Variants in DHX36 observed in about 807,000 individuals in gnomAD.
DHX36 encodes the protein DEAH-box helicase 36.
In DHX36, 50 loss-of-function variants were observed where a neutral mutation model predicts 139.0. That is an observed-to-expected ratio of 0.36 (90% CI 0.29 to 0.46). The LOEUF is 0.46. Among genes scored for constraint, DHX36 ranks in the 20% least tolerant of loss-of-function variants. DHX36 has a pLI of 1.00. For synonymous variants in DHX36, 425 were observed against 401.9 expected (o/e 1.06, Z -0.69); for missense variants, 1,024 against 1,211.3 (o/e 0.85, Z 2.29).
rs776857217 is a variant in DHX36 at position 154,316,125 on chromosome 3, T to C, written c.282A>G (p.Gln94=). The change falls in exon 2 of 25, where the codon CAA becomes CAG. Residue 94 remains glutamine, a synonymous_variant. Coordinates refer to ENST00000496811, the MANE Select transcript of DHX36 (RefSeq NM_020865.3). The part of the protein sequence containing the change: ...VVHMDERREE[Q]IVQLLNSVQA... ...GAACAGAATTCAGTAACTGTACAAT[T>C]TGTTCTTCTCGTCGTTCATCCATGT... 119 of 1,613,388 alleles carry C rather than the reference T, an allele frequency of 7.4e-5. No homozygotes were observed. The South Asian group carries it at 9.2e-4, about 13-fold the overall frequency.
In DHX36 at chr3:154,293,952, C is replaced by T. The variant is rs200123860; in HGVS notation, c.1606-140G>A. On this transcript the variant is annotated intron_variant, in intron 13 of 24. Transcript: ENST00000496811. ...ACTGACATATACATCTAATATTTAT[C>T]GATGTATTTATGAAGTACAGATCAT... The T allele has an allele frequency of 1.3e-4, 69 of 544,810 alleles. 1 individual carries two copies. In the East Asian group the frequency reaches 1.7e-3, roughly 13 times the overall value. 33.7% of individuals were successfully genotyped at this position (544,810 alleles called of 1,614,324 possible).
At chr3:154,288,994 A>T in intron 16 of DHX36, 30 bp from the exon 17 acceptor site, 1 of 1,091,426 alleles carries the variant, frequency 9.2e-7, no homozygotes, top group Non-Finnish European at 1.3e-6. Context: ...ATTATTAAAT[A>T]CATATAATAT....
In DHX36 at chr3:154,303,390, T is replaced by C. The variant is rs1425220907; in HGVS notation, c.1156A>G (p.Ile386Val). The part of the protein sequence containing the change: ...EYFGNCPMIH[I>V]PGFTFPVVEY... ...ACAACCGGAAAGGTAAAACCAGGTA[T>C]ATGTATCATTGGACAGTTACCTATT... is the stretch of plus-strand genomic sequence containing the variant. The change falls in exon 9 of 25, where the codon ATA becomes GTA. Residue 386 changes from isoleucine to valine, a missense_variant. Physicochemically the swap from Ile to Val is conservative, Grantham distance 29. Transcript: ENST00000496811. 1.2e-6 allele frequency: 2 copies of C among 1,606,164 alleles called. No homozygotes were observed. Among genetic ancestry groups the C allele is most frequent in the Non-Finnish European group, 1.7e-6 (2 of 1,176,930 alleles).
chr3:154,306,492 A>AT (rs1712506433), intron 5 of DHX36, among the ~76,000 whole-genome samples, 197 bp from the exon 6 acceptor site: 1 of 152,170 alleles, frequency 6.6e-6, no homozygotes, highest in Non-Finnish European at 1.5e-5. Flanking sequence ...TTCCTCTTAT[A>AT]AAGTCTTTTA....
Position 154,276,078 on chromosome 3 carries a change from G to C in DHX36, c.*93C>G. ...GGCTTCTACCTTACACATGAAAATT[G>C]TTCATGTCCCAGGGTTTGGCATCCA... On this transcript the variant is annotated 3_prime_UTR_variant, in exon 25 of 25. Transcript: ENST00000496811. The C allele has an allele frequency of 2.4e-6, 3 of 1,249,990 alleles. No homozygotes were observed. Among genetic ancestry groups the C allele is most frequent in the Non-Finnish European group, 3.4e-6 (3 of 894,164 alleles). The allele number at this position is 1,249,990 out of a possible 1,614,324, so 77.4% of individuals were successfully genotyped here. A position where few individuals can be genotyped will look rare whatever the true frequency, so the allele number is the denominator to read the frequency against.
intron 23 of DHX36, among the ~76,000 whole-genome samples, chr3:154,277,235 T>C (rs192046634): frequency 3.9e-4 from 60 of 152,216 alleles, no homozygotes; most frequent in African/African-American, 1.4e-3. Context: ...GAGAAAAATA[T>C]AAATAAACAG....
Position 154,299,936 on chromosome 3 carries a change from G to T in DHX36, c.1462-11C>A, listed in dbSNP as rs773727698. 2 of 1,590,694 alleles carry T rather than the reference G, an allele frequency of 1.3e-6. No homozygotes were observed. The highest frequency in any genetic ancestry group is 1.3e-5 in the African/African-American group (1 of 74,456). On this transcript the variant is annotated splice_polypyrimidine_tract_variant and intron_variant, in intron 11 of 24. Transcript: ENST00000496811. ...CAGTATCGCACCATCCTATATGAAG[G>T]GGAAATAACCATTACAAAGGATCAC...
At chr3:154,304,324 G>T (rs1712417879) in intron 8 of DHX36, among the ~76,000 whole-genome samples, 1 of 152,100 alleles carries the variant, frequency 6.6e-6, no homozygotes, top group Non-Finnish European at 1.5e-5. Flanking sequence ...CTACTTAACT[G>T]CTCTGAGGCT....
At chr3:154,292,797 T>G (rs1012228095) in intron 14 of DHX36, 103 bp from the exon 15 acceptor site, 285 of 1,473,498 alleles carry the variant, frequency 1.9e-4, no homozygotes, top group Middle Eastern at 1.2e-3. Context: ...GACCAATAAA[T>G]AGGTATTTCA....
At chr3:154,290,650 A>C (rs1010224043) in intron 15 of DHX36, among the ~76,000 whole-genome samples, 1 of 151,734 alleles carries the variant, frequency 6.6e-6, no homozygotes, top group Non-Finnish European at 1.5e-5. Context: ...AAAAAAAAAA[A>C]AAACTAGATG....
rs79342407 is a variant in DHX36 at position 154,275,977 on chromosome 3, G to A, written c.*194C>T. The stretch of plus-strand genomic sequence containing the variant: ...TGATCAGAGAACATATTGCTTTTAT[G>A]GTATATATATATATATATATATATC... On this transcript the variant is annotated 3_prime_UTR_variant, in exon 25 of 25. Transcript: ENST00000496811. The A allele has an allele frequency of 7.2e-4, 227 of 314,010 alleles. No individual in the cohort carries two copies. Among genetic ancestry groups the A allele is most frequent in the African/African-American group, 6.0e-3 (208 of 34,396 alleles). The allele number at this position is 314,010 out of a possible 1,614,324, so 19.5% of individuals were successfully genotyped here. A position where few individuals can be genotyped will look rare whatever the true frequency, so the allele number is the denominator to read the frequency against.
chr3:154,312,323 G>A (rs1253867965), intron 3 of DHX36: 2 of 152,076 alleles, frequency 1.3e-5, no homozygotes, highest in Non-Finnish European at 2.9e-5. Context: ...TTTCAAATGT[G>A]TTAAATTACA....
At chr3:154,301,243 A>C (rs1712264460) in intron 9 of DHX36, 116 bp from the exon 10 acceptor site, 3 of 1,050,754 alleles carry the variant, frequency 2.9e-6, no homozygotes, top group Non-Finnish European at 4.0e-6. Flanking sequence ...CATTTTCATT[A>C]TGCTTTCAAG....
At position 154,302,071 on chromosome 3, in the gene DHX36, T is replaced by TA. The variant is rs773742984; in HGVS notation, c.1218-945dup. On this transcript the variant is annotated intron_variant, in intron 9 of 24. Coordinates refer to ENST00000496811, the MANE Select transcript of DHX36 (RefSeq NM_020865.3). ...TGAGATTTTTAAAAATGTGATAAAG[T>TA]AAAAAAAAAAAAAAAAGTGATAAAG... 7.8e-3 allele frequency among the ~76,000 whole-genome samples: 802 copies of TA among 103,480 alleles called. 3 individuals are homozygous for TA. Among genetic ancestry groups the TA allele is most frequent in the African/African-American group, 0.012 (350 of 28,354 alleles). The allele number at this position is 103,480 out of a possible 152,430, so 67.9% of individuals were successfully genotyped here.
intron 24 of DHX36, 97 bp downstream of exon 24, chr3:154,276,650 A>G (rs1321813712): frequency 1.5e-6 from 2 of 1,315,236 alleles, no homozygotes; most frequent in Non-Finnish European, 1.1e-6. Flanking sequence ...GCTGAAATAG[A>G]GCAAGAAATG....
At chr3:154,276,434 C>T (rs1404907951) in intron 24 of DHX36, 78 bp from the exon 25 acceptor site, 2 of 1,331,422 alleles carry the variant, frequency 1.5e-6, no homozygotes, top group Non-Finnish European at 2.1e-6. Context: ...ACTAATTTAC[C>T]TGATACAAGG....
chr3:154,276,400 T>G, intron 24 of DHX36, 44 bp from the exon 25 acceptor site: 2 of 1,530,626 alleles, frequency 1.3e-6, no homozygotes, highest in Non-Finnish European at 1.8e-6. Context: ...GGCAGATATA[T>G]TACCAAATAA....
Position 154,276,266 on chromosome 3 carries a change from C to A in DHX36, c.2932G>T (p.Ala978Ser). 1.2e-6 allele frequency: 2 copies of A among 1,613,986 alleles called. No individual in the cohort carries two copies. The highest frequency in any genetic ancestry group is 1.7e-6 in the Non-Finnish European group (2 of 1,179,962). The change falls in exon 25 of 25, where the codon GCA (alanine) becomes TCA (serine). Residue 978 changes from alanine (A) to serine (S), a missense_variant. Ala to Ser is a moderately conservative substitution (Grantham distance 99). Transcript: ENST00000496811. ...AAGTCTATAATAGCTGACAGTACTG[C>A]ACAGTCTCTGGATTTAGTGTCATTC... is the stretch of plus-strand genomic sequence containing the variant. ...DWNDTKSRDC[A>S]VLSAIIDLIK...
At chr3:154,294,493 A>C (rs1448659965) in intron 13 of DHX36, among the ~76,000 whole-genome samples, 1 of 152,194 alleles carries the variant, frequency 6.6e-6, no homozygotes, top group Non-Finnish European at 1.5e-5. Context: ...AGGAATACAT[A>C]ATTTACTAGG....
Sources: gnomAD v4.1 joint callset for allele counts (sites outside exome capture counted in the v4.1 genomes callset) on GRCh38, gnomAD v4.1.1 for gene constraint, MANE v1.5 for transcripts, NCBI Gene and HGNC (gene_info 2026-07-23, HGNC 2026-07-21) for gene names.